PTPN9: variants seen among roughly 807,000 people sequenced by gnomAD.
The protein encoded by PTPN9 is tyrosine-protein phosphatase non-receptor type 9.
A neutral mutation model predicts 69.8 loss-of-function variants in PTPN9; 26 were observed. That is an observed-to-expected ratio of 0.37 (90% CI 0.27 to 0.52). The LOEUF (loss-of-function observed/expected upper bound fraction) is 0.52. PTPN9 is among the 20% of genes least tolerant of loss of function. PTPN9 has a pLI of 0.91. For missense variants in PTPN9, 549 were observed against 740.3 expected (o/e 0.74, Z 3.00); for synonymous variants, 274 against 272.5 (o/e 1.01, Z -0.05).
chr15:75,480,577 G>A (rs1445189387), intron 8 of PTPN9: 29 of 899,494 alleles, frequency 3.2e-5, no homozygotes, highest in Non-Finnish European at 3.9e-5. Flanking sequence ...CGCGGGTGGT[G>A]GTTGGCGCGG....
At chr15:75,492,163 G>A (rs548976030) in intron 7 of PTPN9, among the ~76,000 whole-genome samples, 2 of 152,256 alleles carry the variant, frequency 1.3e-5, no homozygotes, top group Admixed American at 6.5e-5. Context: ...GTGAGTCACC[G>A]AGCCTGACCT....
intron 1 of PTPN9, among the ~76,000 whole-genome samples, chr15:75,556,209 G>A (rs1392114632): frequency 1.4e-5 from 2 of 140,918 alleles, no homozygotes; most frequent in East Asian, 2.2e-4. Flanking sequence ...GATTACAGGC[G>A]CCCACCACCA....
intron 1 of PTPN9, among the ~76,000 whole-genome samples, chr15:75,554,100 C>A (rs992193635): frequency 1.3e-5 from 2 of 150,494 alleles, no homozygotes; most frequent in African/African-American, 4.9e-5. Context: ...GTCACTGCAG[C>A]CTCAACCTTA....
intron 4 of PTPN9, among the ~76,000 whole-genome samples, chr15:75,522,525 C>T (rs1426159099): frequency 6.6e-6 from 1 of 151,868 alleles, no homozygotes; most frequent in Non-Finnish European, 1.5e-5. Context: ...CCCCCACCTC[C>T]CCCAAGAAGC....
intron 1 of PTPN9, among the ~76,000 whole-genome samples, chr15:75,567,045 T>C (rs1416316033): frequency 6.7e-6 from 1 of 149,464 alleles, no homozygotes; most frequent in Non-Finnish European, 1.5e-5. Flanking sequence ...AGATGCAATC[T>C]CACTCTGTCG....
intron 1 of PTPN9, among the ~76,000 whole-genome samples, chr15:75,575,833 G>A (rs892489142): frequency 2.0e-5 from 3 of 150,518 alleles, no homozygotes; most frequent in African/African-American, 7.3e-5. Flanking sequence ...ACAGAAGAAT[G>A]GCATGAACCC....
At position 75,497,965 on chromosome 15, in the gene PTPN9, G is replaced by A. The variant is rs528162801; in HGVS notation, c.969-7664C>T. On this transcript the variant is annotated intron_variant, in intron 7 of 12. Transcript: ENST00000618819. ...AGCACTTTGGGAGGCTGAGGCTGGC[G>A]GATCACCTGAGGTCAGGAGTTGGAG... 2.8e-3 allele frequency among the ~76,000 whole-genome samples: 419 copies of A among 151,828 alleles called. 2 individuals are homozygous for A. Among genetic ancestry groups the A allele is most frequent in the African/African-American group, 9.5e-3 (395 of 41,404 alleles).
chr15:75,469,457 G>C (rs1225446450), intron 12 of PTPN9, among the ~76,000 whole-genome samples: 2 of 152,238 alleles, frequency 1.3e-5, no homozygotes, highest in Admixed American at 1.3e-4. Context: ...CACAGGGTGG[G>C]GAGTCCCTCC....
Position 75,564,610 on chromosome 15 carries a change from A to T in PTPN9, c.63+14104T>A, listed in dbSNP as rs569158387. On this transcript the variant is annotated intron_variant, in intron 1 of 12. Coordinates refer to ENST00000618819, the MANE Select transcript of PTPN9 (RefSeq NM_002833.4). ...ACTACGTCTCAAAAAAAAAAAAAAAAATATGACACCACATTATCATGCCAT... is the reference window on the plus strand; with the variant it reads ...ACTACGTCTCAAAAAAAAAAAAAAATATATGACACCACATTATCATGCCAT... Among the ~76,000 whole-genome samples, 23 of 151,804 alleles carry T rather than the reference A, an allele frequency of 1.5e-4. 1 individual carries two copies. The East Asian group carries it at 3.3e-3, about 22-fold the overall frequency.
Position 75,523,174 on chromosome 15 carries a change from G to A in PTPN9, c.369C>T (p.Val123=). The A allele has an allele frequency of 6.2e-7, 1 of 1,614,114 alleles. No homozygotes were observed. The highest frequency in any genetic ancestry group is 8.5e-7 in the Non-Finnish European group (1 of 1,179,998). ...TARLHHPHKS[V]QHVVLQALFY... ...ACAGAGCCTGAAGTACCACATGTTG[G>A]ACTGACTTGTGGGGATGATGCAACC... The change falls in exon 4 of 13, where the codon GTC becomes GTT. Residue 123 remains valine (V), a synonymous_variant. Coordinates refer to ENST00000618819, the MANE Select transcript of PTPN9 (RefSeq NM_002833.4).
At chr15:75,503,962 C>T (rs1595955146) in intron 7 of PTPN9, among the ~76,000 whole-genome samples, 1 of 125,694 alleles carries the variant, frequency 8.0e-6, no homozygotes. Context: ...GCGCCTCTGC[C>T]CAGCCGCCCC....
chr15:75,470,751 T>C lies in PTPN9; in HGVS notation c.1288A>G (p.Thr430Ala). ...TTCTCCACGCCTAGATTGGTCACTG[T>C]GAGGAAGCCAAATCGGATCCGAGAG... ...KDSRIRFGFL[T>A]VTNLGVENMN... The change falls in exon 11 of 13, where the codon ACA becomes GCA. Residue 430 changes from threonine to alanine, a missense_variant. By Grantham distance (58) the Thr-to-Ala change is moderately conservative. Transcript: ENST00000618819. 1 of 1,614,240 alleles carries C rather than the reference T, an allele frequency of 6.2e-7. No homozygotes were observed. The highest frequency in any genetic ancestry group is 1.3e-5 in the African/African-American group (1 of 75,050).
intron 4 of PTPN9, among the ~76,000 whole-genome samples, chr15:75,518,765 C>G (rs1037201439): frequency 2.7e-5 from 4 of 148,728 alleles, no homozygotes; most frequent in African/African-American, 9.9e-5. Flanking sequence ...TGCAGTGAAT[C>G]GAGATTGCAC....
intron 1 of PTPN9, among the ~76,000 whole-genome samples, chr15:75,570,009 C>T (rs1342582340): frequency 3.3e-5 from 5 of 151,896 alleles, no homozygotes; most frequent in South Asian, 2.1e-4. Flanking sequence ...TTACTAGAGA[C>T]GGGATTTCAT....
At chr15:75,548,803 G>GGTGGA (rs2075045110) in intron 1 of PTPN9, among the ~76,000 whole-genome samples, 1 of 150,730 alleles carries the variant, frequency 6.6e-6, no homozygotes. Flanking sequence ...ACAGGCGCCC[G>GGTGGA]CCACCACGCC....
intron 7 of PTPN9, among the ~76,000 whole-genome samples, chr15:75,499,683 C>T (rs541568755): frequency 2.6e-5 from 4 of 151,908 alleles, no homozygotes; most frequent in African/African-American, 4.8e-5. Context: ...CGATTACAGG[C>T]GTGAGCCACC....
chr15:75,469,001 T>A lies in PTPN9; in HGVS notation c.1568-18A>T, dbSNP rs1313264589. On this transcript the variant is annotated intron_variant, in intron 12 of 12. Transcript: ENST00000618819. ...GAAGGTACCTGAAGAAGGAAGGAAG[T>A]GATCACATCTGGTTTACCTCTCTTC... 3 of 1,589,604 alleles carry A rather than the reference T, an allele frequency of 1.9e-6. No individual in the cohort carries two copies. The Admixed American group carries it at 5.1e-5, about 27-fold the overall frequency.
intron 8 of PTPN9, among the ~76,000 whole-genome samples, chr15:75,482,657 C>T (rs2074648335): frequency 6.6e-6 from 1 of 151,424 alleles, no homozygotes; most frequent in South Asian, 2.1e-4. Flanking sequence ...CCGCAGGGTC[C>T]TCTGCCTAGG....
rs1402812192 is a variant in PTPN9 at position 75,467,983 on chromosome 15, T to A, written c.*786A>T. 3.3e-5 allele frequency: 5 copies of A among 152,604 alleles called. No individual in the cohort carries two copies. Among genetic ancestry groups the A allele is most frequent in the African/African-American group, 1.2e-4 (5 of 41,456 alleles). The allele number at this position is 152,604 out of a possible 1,614,324, so 9.5% of individuals were successfully genotyped here. On this transcript the variant is annotated 3_prime_UTR_variant, in exon 13 of 13. Coordinates refer to ENST00000618819, the MANE Select transcript of PTPN9 (RefSeq NM_002833.4). Reference sequence around the variant, plus strand: ...GTCATTACTTAAGGAAGGGGCCCTGTGGCAGGAACATGGAGGAGATGTGTG... The same window carrying A: ...GTCATTACTTAAGGAAGGGGCCCTGAGGCAGGAACATGGAGGAGATGTGTG...
Sources: gnomAD v4.1 joint callset for allele counts (sites outside exome capture counted in the v4.1 genomes callset) on GRCh38, gnomAD v4.1.1 for gene constraint, MANE v1.5 for transcripts, NCBI Gene and HGNC (gene_info 2026-07-23, HGNC 2026-07-21) for gene names.